The following UNC13B variants were observed in gnomAD, a reference collection of about 807,000 sequenced individuals.
UNC13B encodes unc-13 homolog B.
Under a neutral mutation model 211.0 loss-of-function variants are expected in UNC13B, and 144 were observed. The observed-to-expected ratio is 0.68, with a 90% confidence interval of 0.60 to 0.78. The LOEUF is 0.78. UNC13B is among the 30% of genes least tolerant of loss of function. The probability of loss-of-function intolerance (pLI) is 0.00; values close to 1 mark genes in which losing one functional copy is unlikely to be tolerated. For missense variants in UNC13B, 1,777 were observed against 2,002.0 expected, an observed-to-expected ratio of 0.89 and a Z score of 2.14; for synonymous variants, 709 against 725.8, an observed-to-expected ratio of 0.98 and a Z score of 0.37.
At chr9:35,172,406 G>A (rs866315259) in intron 1 of UNC13B, among the ~76,000 whole-genome samples, 2 of 151,884 alleles carry the variant, frequency 1.3e-5, no homozygotes, top group Non-Finnish European at 2.9e-5. Context: ...TCGAATACTA[G>A]ATCTTATTCC....
At chr9:35,276,124 G>A (rs181584024) in intron 7 of UNC13B, among the ~76,000 whole-genome samples, 200 of 152,014 alleles carry the variant, frequency 1.3e-3, no homozygotes, top group Middle Eastern at 6.8e-3. Flanking sequence ...TGAGCAACAT[G>A]ATGAAACCCG....
chr9:35,404,141 C>A lies in UNC13B; in HGVS notation c.*108C>A. 1.4e-6 allele frequency: 2 copies of A among 1,410,504 alleles called. No homozygotes were observed. Among genetic ancestry groups the A allele is most frequent in the Non-Finnish European group, 1.9e-6 (2 of 1,064,024 alleles). 87.4% of individuals were successfully genotyped at this position (1,410,504 alleles called of 1,614,324 possible). The stretch of plus-strand genomic sequence containing the variant: ...GGTCTTTGCAGTCAAGAGGCTGACC[C>A]CTTCAGTTAAAGATATTTAAGGAAA... On this transcript the variant is annotated 3_prime_UTR_variant, in exon 40 of 40. Transcript: ENST00000635942.
chr9:35,253,500 C>G (rs754037097), intron 6 of UNC13B, among the ~76,000 whole-genome samples: 1 of 152,046 alleles, frequency 6.6e-6, no homozygotes, highest in Non-Finnish European at 1.5e-5. Flanking sequence ...AAAGGAAACC[C>G]ATGTGTATAC....
At chr9:35,162,435 G>A in intron 1 of UNC13B, 130 bp downstream of exon 1, 1 of 1,229,612 alleles carries the variant, frequency 8.1e-7, no homozygotes, top group East Asian at 2.9e-5. Context: ...CTATTATTTT[G>A]GCAATCACTT....
At chr9:35,399,525 A>C in intron 35 of UNC13B, 77 bp downstream of exon 35, 2 of 1,608,690 alleles carry the variant, frequency 1.2e-6, no homozygotes, top group Non-Finnish European at 1.7e-6. Flanking sequence ...CGGGGAAGGA[A>C]ATTGGAGCTT....
chr9:35,321,082 G>C (rs1830713385), intron 11 of UNC13B, among the ~76,000 whole-genome samples: 1 of 150,560 alleles, frequency 6.6e-6, no homozygotes, highest in African/African-American at 2.4e-5. Flanking sequence ...TAATATGTGT[G>C]GATTTAAACA....
intron 6 of UNC13B, among the ~76,000 whole-genome samples, chr9:35,250,421 A>G (rs1334628104): frequency 6.6e-6 from 1 of 152,240 alleles, no homozygotes; most frequent in Non-Finnish European, 1.5e-5. Context: ...AAATTATATA[A>G]CATGTGGTCC....
chr9:35,253,979 T>A (rs1303759306), intron 6 of UNC13B, among the ~76,000 whole-genome samples: 1 of 152,220 alleles, frequency 6.6e-6, no homozygotes, highest in Non-Finnish European at 1.5e-5. Context: ...AAATTTTTGT[T>A]AATCTAACAA....
At chr9:35,181,197 G>A (rs1420835131) in intron 1 of UNC13B, among the ~76,000 whole-genome samples, 1 of 152,068 alleles carries the variant, frequency 6.6e-6, no homozygotes, top group Non-Finnish European at 1.5e-5. Context: ...ATTTTCTCTA[G>A]TGCCTTGATA....
At chr9:35,364,558 A>G in intron 11 of UNC13B, 1 of 1,535,916 alleles carries the variant, frequency 6.5e-7, no homozygotes, top group South Asian at 1.2e-5. Context: ...AAAAGCGAGG[A>G]GCCCTTCAGG....
intron 1 of UNC13B, among the ~76,000 whole-genome samples, chr9:35,217,021 G>T (rs1268063040): frequency 6.6e-6 from 1 of 152,132 alleles, no homozygotes; most frequent in Non-Finnish European, 1.5e-5. Flanking sequence ...ATGAGGGAGG[G>T]TGTAGATATG....
intron 7 of UNC13B, among the ~76,000 whole-genome samples, chr9:35,273,598 G>A (rs1422055676): frequency 6.6e-6 from 1 of 152,170 alleles, no homozygotes; most frequent in Non-Finnish European, 1.5e-5. Context: ...CCTGTTAGGG[G>A]AGGCAGAGAA....
At chr9:35,385,147 C>G (rs572706122) in intron 22 of UNC13B, 14 of 985,312 alleles carry the variant, frequency 1.4e-5, no homozygotes, top group Non-Finnish European at 1.7e-5. Context: ...TAGCAGCTCC[C>G]TCCTAAGACT....
rs190492578 is a variant in UNC13B at position 35,230,532 on chromosome 9, G to A, written c.53-588G>A. On this transcript the variant is annotated intron_variant, in intron 2 of 39. Transcript: ENST00000635942. ...TAACTTGTGCTTTAGGCCAAACTGAGTAGATCGAGCTTGAAATCTATTTTC... is the reference window on the plus strand; with the variant it reads ...TAACTTGTGCTTTAGGCCAAACTGAATAGATCGAGCTTGAAATCTATTTTC... Among the ~76,000 whole-genome samples the A allele has an allele frequency of 4.4e-4, 67 of 150,568 alleles. 1 individual carries two copies. Among genetic ancestry groups the A allele is most frequent in the Admixed American group, 3.8e-3 (57 of 15,138 alleles).
At chr9:35,236,413 A>G in intron 3 of UNC13B, 56 bp from the exon 4 acceptor site, 2 of 1,352,960 alleles carry the variant, frequency 1.5e-6, no homozygotes, top group Non-Finnish European at 2.1e-6. Context: ...CAGGAGATGT[A>G]GTTGTTTCTT....
chr9:35,347,464 G>A (rs1832433585), intron 11 of UNC13B, among the ~76,000 whole-genome samples: 1 of 152,152 alleles, frequency 6.6e-6, no homozygotes, highest in African/African-American at 2.4e-5. Context: ...GTCCCTGAGG[G>A]TTGCCCTTTC....
intron 17 of UNC13B, 108 bp downstream of exon 17, chr9:35,378,544 GA>G: frequency 7.0e-7 from 1 of 1,428,742 alleles, no homozygotes; most frequent in Non-Finnish European, 9.7e-7. Flanking sequence ...AGGCAGGGGA[GA>G]AAACTCATTT....
chr9:35,330,311 C>A (rs1831296184), intron 11 of UNC13B, among the ~76,000 whole-genome samples: 1 of 152,200 alleles, frequency 6.6e-6, no homozygotes, highest in African/African-American at 2.4e-5. Context: ...CTAGCCTAGA[C>A]CTGAGGCAAC....
chr9:35,166,064 AC>A (rs1391547814), intron 1 of UNC13B, among the ~76,000 whole-genome samples: 4 of 150,614 alleles, frequency 2.7e-5, no homozygotes, highest in Non-Finnish European at 5.9e-5. Context: ...AGATAATTTA[AC>A]TATGGATTTT....
Sources: gnomAD v4.1 joint callset for allele counts (sites outside exome capture counted in the v4.1 genomes callset) on GRCh38, gnomAD v4.1.1 for gene constraint, MANE v1.5 for transcripts, NCBI Gene and HGNC (gene_info 2026-07-23, HGNC 2026-07-21) for gene names.